Variants in KIRREL3 observed in about 807,000 individuals in gnomAD.
KIRREL3 encodes the protein kirre like nephrin family adhesion molecule 3.
A neutral mutation model predicts 89.7 loss-of-function variants in KIRREL3; 36 were observed. That is an observed-to-expected ratio of 0.40 (90% CI 0.31 to 0.53). The LOEUF (loss-of-function observed/expected upper bound fraction) is 0.53, where lower values mean the gene tolerates loss of function less well. Ranked by LOEUF, KIRREL3 falls within the 20% of genes least tolerant of loss-of-function variation. The pLI is 0.49. For synonymous variants in KIRREL3, 445 were observed against 441.4 expected (o/e 1.01, Z -0.10); for missense variants, 864 against 1,056.6 (o/e 0.82, Z 2.53).
At chr11:126,777,633 G>A (rs180790676) in intron 1 of KIRREL3, among the ~76,000 whole-genome samples, 85 of 152,310 alleles carry the variant, frequency 5.6e-4, no homozygotes, top group Middle Eastern at 6.8e-3. Context: ...GCAGCCCAAA[G>A]CAAGTCACTT....
Position 126,965,385 on chromosome 11 carries a change from T to C in KIRREL3, c.55+35070A>G, listed in dbSNP as rs1432148118. 6.6e-6 allele frequency among the ~76,000 whole-genome samples: 1 copy of C among 152,178 alleles called. No individual in the cohort carries two copies. Among genetic ancestry groups the C allele is most frequent in the African/African-American group, 2.4e-5 (1 of 41,436 alleles). On this transcript the variant is annotated intron_variant, in intron 1 of 16. Coordinates refer to ENST00000525144, the MANE Select transcript of KIRREL3 (RefSeq NM_032531.4). This position sits in a 1 kb window ranked among gnomAD's most constrained non-coding sequence, Gnocchi z 4.4. ...TACTCAACTCTTAAGAAGTGAAGAG[T>C]GTGTTAGTGGTCACTGGGAAGGAAC... is the stretch of plus-strand genomic sequence containing the variant.
chr11:126,796,362 T>C lies in KIRREL3; in HGVS notation c.55+204093A>G, dbSNP rs1172243056. 1.3e-5 allele frequency among the ~76,000 whole-genome samples: 2 copies of C among 152,074 alleles called. No homozygotes were observed. Among genetic ancestry groups the C allele is most frequent in the Admixed American group, 6.6e-5 (1 of 15,264 alleles). ...CCCAGGGCATCAGGGCTGGGGATTG[T>C]CTTGGATGGAAGGATCTCATTCTGC... On this transcript the variant is annotated intron_variant, in intron 1 of 16. Coordinates refer to ENST00000525144, the MANE Select transcript of KIRREL3 (RefSeq NM_032531.4). The surrounding 1 kb of genome is among the most constrained non-coding windows in gnomAD (Gnocchi z 5.1).
intron 5 of KIRREL3, among the ~76,000 whole-genome samples, chr11:126,470,287 C>A (rs1024772195): frequency 1.3e-5 from 2 of 152,224 alleles, no homozygotes; most frequent in Non-Finnish European, 2.9e-5. Flanking sequence ...CCTTCCTTTT[C>A]ATTCTCCTCT....
At chr11:126,510,929 A>G (rs1406928868) in intron 4 of KIRREL3, among the ~76,000 whole-genome samples, 1 of 152,176 alleles carries the variant, frequency 6.6e-6, no homozygotes, top group African/African-American at 2.4e-5. Context: ...CCTGAGTTAA[A>G]TCATGACAGT....
In KIRREL3 at chr11:126,485,114, C is replaced by T. The variant is rs542632254; in HGVS notation, c.434-11648G>A. 2.6e-5 allele frequency among the ~76,000 whole-genome samples: 4 copies of T among 152,146 alleles called. No homozygotes were observed. The highest frequency in any genetic ancestry group is 1.3e-4 in the Admixed American group (2 of 15,292). ...GATTACAGCTGTGAGCCACTGCGCC[C>T]GGCCACAAGTGGGATTGTTAAAGGA... On this transcript the variant is annotated intron_variant, in intron 4 of 16. Transcript: ENST00000525144. This position sits in a 1 kb window ranked among gnomAD's most constrained non-coding sequence, Gnocchi z 5.8.
chr11:126,672,390 A>T (rs187300116), intron 1 of KIRREL3, among the ~76,000 whole-genome samples: 2 of 152,346 alleles, frequency 1.3e-5, no homozygotes, highest in Admixed American at 1.3e-4. Flanking sequence ...GTGGGATACT[A>T]TTCGGCAATA....
In KIRREL3 at chr11:126,569,335, G is replaced by T. The variant is rs73015250; in HGVS notation, c.56-6423C>A. 9.2e-5 allele frequency among the ~76,000 whole-genome samples: 14 copies of T among 152,294 alleles called. No homozygotes were observed. The highest frequency in any genetic ancestry group is 3.4e-4 in the African/African-American group (14 of 41,576). On this transcript the variant is annotated intron_variant, in intron 1 of 16. Transcript: ENST00000525144. This position sits in a 1 kb window ranked among gnomAD's most constrained non-coding sequence, Gnocchi z 6.5. The stretch of plus-strand genomic sequence containing the variant: ...TGAAGAAATATTTTTAACCAGTTGC[G>T]TTGACCTCAGAGGGTAAACATTTTG...
intron 1 of KIRREL3, among the ~76,000 whole-genome samples, chr11:126,804,059 T>G (rs1328107046): frequency 6.6e-6 from 1 of 152,228 alleles, no homozygotes; most frequent in Admixed American, 6.5e-5. Flanking sequence ...TATGTAGGCA[T>G]GCATGTTTGC....
In KIRREL3 at chr11:126,561,860, G is replaced by A. The variant is rs901541584; in HGVS notation, c.133+975C>T. On this transcript the variant is annotated intron_variant, in intron 2 of 16. Coordinates refer to ENST00000525144, the MANE Select transcript of KIRREL3 (RefSeq NM_032531.4). The surrounding 1 kb of genome is among the most constrained non-coding windows in gnomAD (Gnocchi z 4.5). Reference sequence around the variant, plus strand: ...TGGGGATGTGGTTGTCGTGGTCGGGGTTGGGAGGAGAGACAGCTGAGGAGC... The same window carrying A: ...TGGGGATGTGGTTGTCGTGGTCGGGATTGGGAGGAGAGACAGCTGAGGAGC... Among the ~76,000 whole-genome samples, 20 of 152,184 alleles carry A rather than the reference G, an allele frequency of 1.3e-4. No homozygotes were observed. The highest frequency in any genetic ancestry group is 2.6e-4 in the Admixed American group (4 of 15,284).
At position 126,917,218 on chromosome 11, in the gene KIRREL3, T is replaced by A. The variant is rs1947076141; in HGVS notation, c.55+83237A>T. ...ACCAGACACAGAAGGATATATATTGTACGATTCCACTTATATGAAGTATTC... is the reference window on the plus strand; with the variant it reads ...ACCAGACACAGAAGGATATATATTGAACGATTCCACTTATATGAAGTATTC... On this transcript the variant is annotated intron_variant, in intron 1 of 16. Transcript: ENST00000525144. The surrounding 1 kb of genome is among the most constrained non-coding windows in gnomAD (Gnocchi z 5.0). Among the ~76,000 whole-genome samples, 1 of 152,212 alleles carries A rather than the reference T, an allele frequency of 6.6e-6. No homozygotes were observed. The highest frequency in any genetic ancestry group is 1.9e-4 in the East Asian group (1 of 5,204).
At chr11:126,930,616 C>T (rs1289964639) in intron 1 of KIRREL3, among the ~76,000 whole-genome samples, 2 of 152,174 alleles carry the variant, frequency 1.3e-5, no homozygotes, top group African/African-American at 4.8e-5. Flanking sequence ...CTAAGGAAGC[C>T]TGCTGAAGAT....
At chr11:126,730,268 C>T (rs1948562145) in intron 1 of KIRREL3, among the ~76,000 whole-genome samples, 1 of 152,234 alleles carries the variant, frequency 6.6e-6, no homozygotes, top group South Asian at 2.1e-4. Flanking sequence ...TTGAGTGTGA[C>T]ACGTCCAAAT....
Position 126,431,988 on chromosome 11 carries a change from C to G in KIRREL3, c.1589-462G>C, listed in dbSNP as rs905031525. ...TGTTTGTTCCGTATGTTCTCTCCTTCCCTTCCCTTTCTCGGGTGAATATAG... is the reference window on the plus strand; with the variant it reads ...TGTTTGTTCCGTATGTTCTCTCCTTGCCTTCCCTTTCTCGGGTGAATATAG... On this transcript the variant is annotated intron_variant, in intron 13 of 16. Transcript: ENST00000525144. This position sits in a 1 kb window ranked among gnomAD's most constrained non-coding sequence, Gnocchi z 7.1. Among the ~76,000 whole-genome samples, 10 of 152,148 alleles carry G rather than the reference C, an allele frequency of 6.6e-5. No individual in the cohort carries two copies. Among genetic ancestry groups the G allele is most frequent in the Admixed American group, 2.0e-4 (3 of 15,278 alleles).
chr11:126,818,255 G>A (rs1169891668), intron 1 of KIRREL3, among the ~76,000 whole-genome samples: 1 of 152,182 alleles, frequency 6.6e-6, no homozygotes, highest in African/African-American at 2.4e-5. Context: ...ACAGCTGTTT[G>A]CAATTGCTTC....
In KIRREL3 at chr11:126,623,794, A is replaced by G. The variant is rs1462209561; in HGVS notation, c.56-60882T>C. ...GAAATTCTAGGTTCTCAAGAAAATAAACAAACCAACTTACAGAAAACCCCT... is the reference window on the plus strand; with the variant it reads ...GAAATTCTAGGTTCTCAAGAAAATAGACAAACCAACTTACAGAAAACCCCT... On this transcript the variant is annotated intron_variant, in intron 1 of 16. Transcript: ENST00000525144. The surrounding 1 kb of genome is among the most constrained non-coding windows in gnomAD (Gnocchi z 4.1). Among the ~76,000 whole-genome samples, 1 of 152,148 alleles carries G rather than the reference A, an allele frequency of 6.6e-6. No individual in the cohort carries two copies. The highest frequency in any genetic ancestry group is 1.5e-5 in the Non-Finnish European group (1 of 68,028).
rs1949726857 is a variant in KIRREL3, at chr11:126,763,521, C to T, written c.56-200609G>A. ...GAGAATTCTAGTCTCTCTGGGGCCA[C>T]ATGACACCCGAACACACAGAATCTG... is the stretch of plus-strand genomic sequence containing the variant. On this transcript the variant is annotated intron_variant, in intron 1 of 16. Coordinates refer to ENST00000525144, the MANE Select transcript of KIRREL3 (RefSeq NM_032531.4). The surrounding 1 kb of genome is among the most constrained non-coding windows in gnomAD (Gnocchi z 4.7). 6.6e-6 allele frequency among the ~76,000 whole-genome samples: 1 copy of T among 152,180 alleles called. No individual in the cohort carries two copies. Among genetic ancestry groups the T allele is most frequent in the Non-Finnish European group, 1.5e-5 (1 of 68,030 alleles).
intron 1 of KIRREL3, among the ~76,000 whole-genome samples, chr11:126,963,483 A>G (rs1218515654): frequency 6.6e-6 from 1 of 152,222 alleles, no homozygotes; most frequent in Non-Finnish European, 1.5e-5. Context: ...TTTGAGTTTT[A>G]CATACATTTA....
intron 1 of KIRREL3, among the ~76,000 whole-genome samples, chr11:126,868,034 G>A (rs55870545): frequency 1.6e-5 from 2 of 127,300 alleles, no homozygotes; most frequent in South Asian, 2.8e-4. Flanking sequence ...AAATGTCTGA[G>A]TAATACAGCT....
At chr11:126,506,687 T>C (rs1445647883) in intron 4 of KIRREL3, among the ~76,000 whole-genome samples, 1 of 152,258 alleles carries the variant, frequency 6.6e-6, no homozygotes, top group Admixed American at 6.5e-5. Context: ...CTTTCCATAT[T>C]ATGTAGCCAT....
Sources: gnomAD v4.1 joint callset for allele counts (sites outside exome capture counted in the v4.1 genomes callset) on GRCh38, gnomAD v4.1.1 for gene constraint, Gnocchi (gnomAD v3.1) non-coding constraint, MANE v1.5 for transcripts, NCBI Gene and HGNC (gene_info 2026-07-23, HGNC 2026-07-21) for gene names.